The following CACNA1B variants were observed in gnomAD, a reference collection of about 807,000 sequenced individuals.
CACNA1B encodes calcium voltage-gated channel subunit alpha1 B.
In CACNA1B, 70 loss-of-function variants were observed where a neutral mutation model predicts 247.2. The observed-to-expected ratio is 0.28, with a 90% CI of 0.23 to 0.35. The LOEUF (loss-of-function observed/expected upper bound fraction) is 0.35. CACNA1B is among the 10% of genes least tolerant of loss of function. CACNA1B has a pLI of 1.00. For synonymous variants in CACNA1B, 1,231 were observed against 1,294.4 expected (o/e 0.95, Z 1.05); for missense variants, 2,367 against 3,197.4 (o/e 0.74, Z 6.26).
intron 20 of CACNA1B, among the ~76,000 whole-genome samples, chr9:138,033,350 T>C (rs1356857354): frequency 6.6e-6 from 1 of 152,266 alleles, no homozygotes; most frequent in Non-Finnish European, 1.5e-5. Flanking sequence ...TGGGTGTTTT[T>C]AAAATCTTTG....
At chr9:138,112,613 G>A in intron 40 of CACNA1B, 108 bp downstream of exon 40, 1 of 729,044 alleles carries the variant, frequency 1.4e-6, no homozygotes, top group Non-Finnish European at 2.4e-6. Flanking sequence ...AGGCCACCTT[G>A]GAGAGGTGGG....
At chr9:138,087,401 AAAG>A (rs1454399687) in intron 36 of CACNA1B, among the ~76,000 whole-genome samples, 3 of 144,410 alleles carry the variant, frequency 2.1e-5, no homozygotes, top group African/African-American at 5.3e-5. Flanking sequence ...AAAAAAAAAA[AAAG>A]AAAAAGAAAA....
rs183876216 is a variant in CACNA1B, at chr9:137,974,476, G to A, written c.1544-1431G>A. ...ATGTCCTCAGGCCATACAAAGTGGGGTGTCCGCTCCCTGAGACTCCTGTCT... is the reference window on the plus strand; with the variant it reads ...ATGTCCTCAGGCCATACAAAGTGGGATGTCCGCTCCCTGAGACTCCTGTCT... On this transcript the variant is annotated intron_variant, in intron 11 of 46. Coordinates refer to ENST00000371372, the MANE Select transcript of CACNA1B (RefSeq NM_000718.4). The surrounding 1 kb of genome is among the most constrained non-coding windows in gnomAD (Gnocchi z 4.5). Among the ~76,000 whole-genome samples the A allele has an allele frequency of 1.1e-4, 16 of 152,282 alleles. No homozygotes were observed. Among genetic ancestry groups the A allele is most frequent in the African/African-American group, 3.6e-4 (15 of 41,554 alleles).
At chr9:138,099,255 G>A (rs1389606584) in intron 37 of CACNA1B, among the ~76,000 whole-genome samples, 1 of 152,152 alleles carries the variant, frequency 6.6e-6, no homozygotes, top group South Asian at 2.1e-4. Flanking sequence ...ATGTCTACAT[G>A]TGTGTTTTGT....
intron 20 of CACNA1B, among the ~76,000 whole-genome samples, chr9:138,042,277 C>G (rs991997376): frequency 2.6e-5 from 4 of 152,168 alleles, no homozygotes; most frequent in Admixed American, 6.5e-5. Context: ...TGGTGAAACC[C>G]TGTCTGTACT....
intron 31 of CACNA1B, among the ~76,000 whole-genome samples, chr9:138,067,567 C>T (rs772343832): frequency 5.6e-4 from 86 of 152,318 alleles, no homozygotes; most frequent in Non-Finnish European, 9.4e-4. Context: ...GGCATGATGG[C>T]GCACGCCTGT....
At chr9:138,032,838 A>T (rs1255545723) in intron 20 of CACNA1B, 1 of 365,400 alleles carries the variant, frequency 2.7e-6, no homozygotes, top group Non-Finnish European at 5.3e-6. Flanking sequence ...CAGAAGTTTG[A>T]TTACAGTGTG....
chr9:138,093,004 A>T (rs1030973991), intron 36 of CACNA1B, among the ~76,000 whole-genome samples: 1 of 152,238 alleles, frequency 6.6e-6, no homozygotes, highest in Non-Finnish European at 1.5e-5. Flanking sequence ...ACAATGACCA[A>T]TAAGCACATG....
At chr9:137,907,530 C>T (rs148308935) in intron 3 of CACNA1B, among the ~76,000 whole-genome samples, 129 of 152,318 alleles carry the variant, frequency 8.5e-4, no homozygotes, top group South Asian at 2.3e-3. Context: ...CAAGTGGCAG[C>T]TCTTCGTTAT....
chr9:137,923,256 C>G (rs1018845510), intron 6 of CACNA1B, among the ~76,000 whole-genome samples: 13 of 144,938 alleles, frequency 9.0e-5, no homozygotes, highest in Non-Finnish European at 1.8e-4. Flanking sequence ...GGTGGTATTC[C>G]GTGGTGCCAG....
At chr9:137,898,745 G>A (rs181402990) in intron 3 of CACNA1B, among the ~76,000 whole-genome samples, 1 of 150,234 alleles carries the variant, frequency 6.7e-6, no homozygotes, top group Non-Finnish European at 1.5e-5. Context: ...GCAGTGGCAC[G>A]ATCTCAGCTC....
At chr9:138,034,348 C>T (rs989236450) in intron 20 of CACNA1B, among the ~76,000 whole-genome samples, 1 of 152,062 alleles carries the variant, frequency 6.6e-6, no homozygotes, top group African/African-American at 2.4e-5. Context: ...CCACTTGGCT[C>T]TCTCTCAGAC....
At chr9:138,062,736 A>G (rs972338156) in intron 31 of CACNA1B, among the ~76,000 whole-genome samples, 1 of 152,140 alleles carries the variant, frequency 6.6e-6, no homozygotes, top group Non-Finnish European at 1.5e-5. Flanking sequence ...CTTACCTACC[A>G]CATACACATC....
chr9:138,024,883 C>T, intron 19 of CACNA1B, 72 bp from the exon 20 acceptor site: 2 of 1,081,514 alleles, frequency 1.8e-6, no homozygotes, highest in South Asian at 1.4e-5. Context: ...ATCCTCCTGC[C>T]TCTGCCTCCC....
chr9:138,106,484 A>T (rs1184663643), intron 39 of CACNA1B, among the ~76,000 whole-genome samples: 2 of 152,210 alleles, frequency 1.3e-5, no homozygotes, highest in Non-Finnish European at 2.9e-5. Flanking sequence ...ATCTTCAAAA[A>T]GTTCGCTGGG....
At chr9:138,078,319 T>C in intron 36 of CACNA1B, 61 bp downstream of exon 36, 1 of 1,486,526 alleles carries the variant, frequency 6.7e-7, no homozygotes, top group Non-Finnish European at 9.3e-7. Context: ...AGCTCAGGCT[T>C]CTCCCACATC....
At chr9:137,994,978 G>A (rs1958478939) in intron 15 of CACNA1B, among the ~76,000 whole-genome samples, 1 of 152,066 alleles carries the variant, frequency 6.6e-6, no homozygotes. Flanking sequence ...GCCAAGGCGG[G>A]CAGATTACCT....
chr9:137,906,542 T>A lies in CACNA1B; in HGVS notation c.531-6638T>A, dbSNP rs181957250. The stretch of plus-strand genomic sequence containing the variant: ...TGTGTTGTCTTATTTAACATACGTC[T>A]TTCTCTGCATCCCCGTGTGATGCCT... On this transcript the variant is annotated intron_variant, in intron 3 of 46. Transcript: ENST00000371372. 8.4e-4 allele frequency among the ~76,000 whole-genome samples: 128 copies of A among 152,206 alleles called. 1 individual carries two copies. The highest frequency in any genetic ancestry group is 9.3e-4 in the Non-Finnish European group (63 of 68,030).
At chr9:138,033,448 A>G (rs943285555) in intron 20 of CACNA1B, among the ~76,000 whole-genome samples, 3 of 152,056 alleles carry the variant, frequency 2.0e-5, no homozygotes, top group African/African-American at 7.2e-5. Flanking sequence ...TTGGTGTGAT[A>G]AGTGAATTTT....
Sources: gnomAD v4.1 joint callset for allele counts (sites outside exome capture counted in the v4.1 genomes callset) on GRCh38, gnomAD v4.1.1 for gene constraint, Gnocchi (gnomAD v3.1) non-coding constraint, MANE v1.5 for transcripts, NCBI Gene and HGNC (gene_info 2026-07-23, HGNC 2026-07-21) for gene names.